RPL34: variants seen among roughly 807,000 people sequenced by gnomAD.
The protein encoded by RPL34 is large ribosomal subunit protein eL34.
RPL34 carries 2 observed loss-of-function variants against 16.3 expected under a neutral mutation model. The ratio of observed to expected loss-of-function variants is 0.12; its 90% CI spans 0.05 to 0.39. The LOEUF (loss-of-function observed/expected upper bound fraction) is 0.39. Ranked by LOEUF, RPL34 falls within the 10% of genes least tolerant of loss-of-function variation. The pLI is 0.99. For missense variants in RPL34, 82 were observed against 148.8 expected (o/e 0.55, Z 2.33); for synonymous variants, 47 against 48.5 (o/e 0.97, Z 0.13).
chr4:108,628,746 T>A (rs1221703716), downstream of RPL34, among the ~76,000 whole-genome samples: 1 of 152,222 alleles, frequency 6.6e-6, no homozygotes, highest in Non-Finnish European at 1.5e-5. Context: ...ATGGTTTTAC[T>A]TAACAAACAG....
chr4:108,627,707 A>G (rs1304928179), downstream of RPL34, among the ~76,000 whole-genome samples: 2 of 152,044 alleles, frequency 1.3e-5, no homozygotes, highest in African/African-American at 4.8e-5. Flanking sequence ...ACTAAAAATA[A>G]CAAAAATTAG....
At chr4:108,621,482 G>A (rs1725770257) in intron 1 of RPL34, 1 of 174,534 alleles carries the variant, frequency 5.7e-6, no homozygotes, top group African/African-American at 2.4e-5. Flanking sequence ...GATAGCCCAC[G>A]TCGTTTAATC....
chr4:108,625,038 T>C, intron 4 of RPL34, 90 bp from the exon 5 acceptor site: 2 of 844,422 alleles, frequency 2.4e-6, no homozygotes, highest in Non-Finnish European at 3.9e-6. Context: ...ATTGCTTTGC[T>C]TGGTTCTTTA....
chr4:108,629,308 T>C (rs1276620436), downstream of RPL34, among the ~76,000 whole-genome samples: 1 of 152,256 alleles, frequency 6.6e-6, no homozygotes, highest in Non-Finnish European at 1.5e-5. Context: ...GTATGAAATT[T>C]ACATGCTATA....
At chr4:108,625,629 G>A, downstream of RPL34, 1 of 157,298 alleles carries the variant, frequency 6.4e-6, no homozygotes, top group Non-Finnish European at 1.4e-5. Context: ...CAGGTGATCT[G>A]CCCACCTCGG....
At chr4:108,622,376 A>G in intron 3 of RPL34, 139 bp from the exon 4 acceptor site, 2 of 794,134 alleles carry the variant, frequency 2.5e-6, no homozygotes, top group South Asian at 1.6e-5. Flanking sequence ...AATCTGAGAA[A>G]TGCAGTGAAA....
downstream of RPL34, among the ~76,000 whole-genome samples, chr4:108,626,447 CTTTTTTTTTTTT>C (rs34343318): frequency 1.8e-3 from 208 of 117,070 alleles, no homozygotes; most frequent in African/African-American, 6.0e-3. Flanking sequence ...GGCTGACAAC[CTTTTTTTTTTTT>C]TTTTTTTTTG....
At chr4:108,628,054 T>C (rs576015818), downstream of RPL34, among the ~76,000 whole-genome samples, 2 of 152,198 alleles carry the variant, frequency 1.3e-5, no homozygotes, top group South Asian at 4.1e-4. Flanking sequence ...TGTTAGTGAA[T>C]AAGTGTAATG....
intron 4 of RPL34, among the ~76,000 whole-genome samples, chr4:108,624,670 G>A (rs1293739424): frequency 6.6e-6 from 1 of 152,152 alleles, no homozygotes; most frequent in African/African-American, 2.4e-5. Context: ...GCCGTAAACA[G>A]GTTCTAAAAT....
intron 2 of RPL34, 31 bp downstream of exon 2, chr4:108,622,055 T>G: frequency 6.3e-7 from 1 of 1,596,528 alleles, no homozygotes. Context: ...TAAGTATATA[T>G]TGTCATTTAC....
chr4:108,627,327 T>C (rs1018077547), downstream of RPL34, among the ~76,000 whole-genome samples: 2 of 151,824 alleles, frequency 1.3e-5, no homozygotes, highest in Admixed American at 1.3e-4. Context: ...GGCAGGAGGA[T>C]CACTTGAGGA....
intron 1 of RPL34, chr4:108,621,174 G>T (rs1235653912): frequency 6.6e-6 from 1 of 152,160 alleles, no homozygotes; most frequent in African/African-American, 2.4e-5. Context: ...TTAGTGAGAG[G>T]CTTGTGACAA....
downstream of RPL34, among the ~76,000 whole-genome samples, chr4:108,626,447 C>CTTT (rs34343318): frequency 0.011 from 1,292 of 117,030 alleles, 40 homozygotes; most frequent in East Asian, 0.059. Flanking sequence ...GGCTGACAAC[C>CTTT]TTTTTTTTTT....
downstream of RPL34, among the ~76,000 whole-genome samples, chr4:108,627,392 T>A (rs1726049314): frequency 6.6e-6 from 1 of 151,646 alleles, no homozygotes; most frequent in South Asian, 2.1e-4. Flanking sequence ...AAAAAATAAT[T>A]AAAAAATAAG....
downstream of RPL34, among the ~76,000 whole-genome samples, chr4:108,629,059 C>G (rs1449494270): frequency 6.6e-6 from 1 of 152,138 alleles, no homozygotes; most frequent in African/African-American, 2.4e-5. Context: ...CTCAGAATGT[C>G]CGCCCGCCTC....
chr4:108,627,856 CAAA>C (rs113128106), downstream of RPL34, among the ~76,000 whole-genome samples: 1 of 117,416 alleles, frequency 8.5e-6, no homozygotes, highest in Non-Finnish European at 1.8e-5. Flanking sequence ...TGAGACTCCT[CAAA>C]AAAAAAAAAA....
At chr4:108,627,842 A>G (rs1037652441), downstream of RPL34, among the ~76,000 whole-genome samples, 2 of 151,528 alleles carry the variant, frequency 1.3e-5, no homozygotes, top group Admixed American at 6.6e-5. Flanking sequence ...AGCCTGAGTG[A>G]CAGTGAGACT....
chr4:108,621,644 A>G (rs533729662), intron 1 of RPL34: 20 of 304,944 alleles, frequency 6.6e-5, no homozygotes, highest in African/African-American at 1.1e-4. Context: ...TGTTTCTCCA[A>G]CTGGGCTCGT....
At chr4:108,625,077 A>G (rs1398375352) in intron 4 of RPL34, 51 bp from the exon 5 acceptor site, 1 of 1,322,458 alleles carries the variant, frequency 7.6e-7, no homozygotes, top group Non-Finnish European at 1.1e-6. Context: ...TGCTAAATAA[A>G]AAATGAAGTT....
Sources: gnomAD v4.1 joint callset for allele counts (sites outside exome capture counted in the v4.1 genomes callset) on GRCh38, gnomAD v4.1.1 for gene constraint, MANE v1.5 for transcripts, NCBI Gene and HGNC (gene_info 2026-07-23, HGNC 2026-07-21) for gene names.